Variants in CROCC observed in about 807,000 individuals in gnomAD.
CROCC encodes the protein ciliary rootlet coiled-coil, rootletin, also known as rootletin.
CROCC carries 180 observed loss-of-function variants against 245.2 expected under a neutral mutation model. The observed-to-expected ratio is 0.73, with a 90% CI of 0.65 to 0.83. CROCC has a LOEUF of 0.83. CROCC is among the 40% of genes least tolerant of loss of function. CROCC has a pLI of 0.00. For synonymous variants in CROCC, 1,205 were observed against 1,241.6 expected (o/e 0.97, Z 0.62); for missense variants, 2,688 against 2,779.4 (o/e 0.97, Z 0.74).
At position 16,971,503 on chromosome 1, in the gene CROCC, C is replaced by T. The variant is rs1557649366; in HGVS notation, c.5823C>T (p.Ala1941=). The T allele has an allele frequency of 2.6e-6, 4 of 1,537,092 alleles. No homozygotes were observed. The highest frequency in any genetic ancestry group is 3.5e-6 in the Non-Finnish European group (4 of 1,146,428). Reference sequence around the variant, plus strand: ...TGCTGGAGCAGAGCCACAGCCCGGCCCAGCTGGAGGTGGATGCGCAGCAGC... The same window carrying T: ...TGCTGGAGCAGAGCCACAGCCCGGCTCAGCTGGAGGTGGATGCGCAGCAGC... ...VVVLEQSHSP[A]QLEVDAQQQQ... is the part of the protein sequence containing the mutation. Residue 1941 remains alanine (A), a synonymous_variant, in exon 36 of 37, where the codon GCC becomes GCT. Transcript: ENST00000375541.
intron 8 of CROCC, among the ~76,000 whole-genome samples, chr1:16,935,576 T>A (rs138913934): frequency 0.043 from 6,476 of 150,692 alleles, 2 homozygotes; most frequent in Non-Finnish European, 0.054. Flanking sequence ...GCCTGCCACC[T>A]CACCCGGCTA....
intron 9 of CROCC, among the ~76,000 whole-genome samples, chr1:16,937,091 ACACCT>A (rs2075808098): frequency 6.6e-6 from 1 of 152,396 alleles, no homozygotes; most frequent in East Asian, 1.9e-4. Flanking sequence ...GTGGTGGCTC[ACACCT>A]GTAATCCCAG....
chr1:16,917,209 T>C (rs2075316761), upstream of CROCC, among the ~76,000 whole-genome samples: 1 of 152,300 alleles, frequency 6.6e-6, no homozygotes, highest in Admixed American at 6.5e-5. Flanking sequence ...CTGGGTGCAT[T>C]GGAGCCAATT....
At chr1:16,963,639 C>T (rs1221646058) in intron 27 of CROCC, among the ~76,000 whole-genome samples, 2 of 152,110 alleles carry the variant, frequency 1.3e-5, no homozygotes, top group Non-Finnish European at 2.9e-5. Context: ...CCTGCAGTTC[C>T]AGTGCCAGCC....
At chr1:16,958,339 T>C (rs1326340547) in intron 25 of CROCC, among the ~76,000 whole-genome samples, 1 of 152,204 alleles carries the variant, frequency 6.6e-6, no homozygotes, top group East Asian at 1.9e-4. Context: ...CCTCCTTCTA[T>C]TATACCCACC....
intron 2 of CROCC, among the ~76,000 whole-genome samples, chr1:16,923,861 A>G (rs1330557718): frequency 7.9e-5 from 12 of 152,188 alleles, no homozygotes; most frequent in Non-Finnish European, 1.8e-4. Context: ...TTGTATTTTT[A>G]GTAGAGACAG....
intron 14 of CROCC, 105 bp downstream of exon 14, chr1:16,944,387 T>G (rs1186926136): frequency 4.1e-5 from 52 of 1,281,626 alleles, no homozygotes; most frequent in Non-Finnish European, 5.1e-5. Flanking sequence ...CTGGGCCTCC[T>G]ACCGTCTGGA....
chr1:16,930,723 G>GC (rs2075656710), intron 7 of CROCC, 129 bp downstream of exon 7: 1 of 909,186 alleles, frequency 1.1e-6, no homozygotes, highest in Non-Finnish European at 1.6e-6. Context: ...GAAGTAAATA[G>GC]CCGTCATCAC....
Position 16,959,423 on chromosome 1 carries a change from A to C in CROCC, c.4032+673A>C, listed in dbSNP as rs1047633217. On this transcript the variant is annotated intron_variant, in intron 26 of 36. Transcript: ENST00000375541. ...TGTCTGACTCCAAAGCCCACAGGCTACCCGCTCTGCCTTTTCCGGCTGTTT... is the reference window on the plus strand; with the variant it reads ...TGTCTGACTCCAAAGCCCACAGGCTCCCCGCTCTGCCTTTTCCGGCTGTTT... Among the ~76,000 whole-genome samples, 64 of 152,188 alleles carry C rather than the reference A, an allele frequency of 4.2e-4. 1 individual carries two copies. Among genetic ancestry groups the C allele is most frequent in the Non-Finnish European group, 8.5e-4 (58 of 68,030 alleles).
In CROCC at chr1:16,968,243, A is replaced by T. The variant is rs980314470; in HGVS notation, c.4901A>T (p.Glu1634Val). 6.4e-7 allele frequency: 1 copy of T among 1,568,540 alleles called. No homozygotes were observed. The highest frequency in any genetic ancestry group is 8.6e-7 in the Non-Finnish European group (1 of 1,158,206). Residue 1634 changes from glutamate to valine, a missense_variant, in exon 31 of 37, where the codon GAG (glutamate) becomes GTG (valine). Glu to Val is a moderately radical substitution (Grantham distance 121, BLOSUM62 -2). Transcript: ENST00000375541. ...ATGAAGGCCAATGAGACAAAGCTGG[A>T]GGGCGACAAGCGGCGCCTGAAGGAG... ...SKMKANETKL[E>V]GDKRRLKEVL...
chr1:16,956,592 G>A (rs544529138), intron 25 of CROCC, among the ~76,000 whole-genome samples: 1 of 152,260 alleles, frequency 6.6e-6, no homozygotes, highest in South Asian at 2.1e-4. Context: ...GTCCCAAACA[G>A]TGCATGAACA....
intron 1 of CROCC, among the ~76,000 whole-genome samples, chr1:16,916,540 T>A (rs12133980): frequency 0.017 from 2,638 of 152,298 alleles, 31 homozygotes; most frequent in Non-Finnish European, 0.028. Flanking sequence ...AGGGTCTTGC[T>A]CTGTCACCCA....
At chr1:16,935,353 C>T (rs1557593111) in intron 8 of CROCC, among the ~76,000 whole-genome samples, 1 of 152,262 alleles carries the variant, frequency 6.6e-6, no homozygotes, top group Admixed American at 6.5e-5. Flanking sequence ...GCTTCCCTAA[C>T]CTACTAGTTA....
chr1:16,953,334 G>A lies in CROCC; in HGVS notation c.3039G>A (p.Arg1013=), dbSNP rs1315604067. ...CATGGCGGGAGCTGGAGGCCGAGCGGGCCCAGCTGCAGAGTCAGCTGCAGC... is the reference window on the plus strand; with the variant it reads ...CATGGCGGGAGCTGGAGGCCGAGCGAGCCCAGCTGCAGAGTCAGCTGCAGC... ...EAAWRELEAE[R]AQLQSQLQRE... The change falls in exon 21 of 37, where the codon CGG becomes CGA. Residue 1013 remains arginine (R), a synonymous_variant. Coordinates refer to ENST00000375541, the MANE Select transcript of CROCC (RefSeq NM_014675.5). The A allele has an allele frequency of 5.0e-6, 8 of 1,600,732 alleles. No individual in the cohort carries two copies. Among genetic ancestry groups the A allele is most frequent in the Non-Finnish European group, 6.8e-6 (8 of 1,175,540 alleles).
At chr1:16,940,199 T>C in intron 13 of CROCC, 106 bp downstream of exon 13, 1 of 1,164,304 alleles carries the variant, frequency 8.6e-7, no homozygotes, top group East Asian at 2.6e-5. Flanking sequence ...TGGTCGCCAC[T>C]AGCTGCATGT....
In CROCC at chr1:16,922,799, G is replaced by C. The variant is rs766102968; in HGVS notation, c.196+1G>C. 4 of 1,611,418 alleles carry C rather than the reference G, an allele frequency of 2.5e-6. No homozygotes were observed. Among genetic ancestry groups the C allele is most frequent in the Non-Finnish European group, 3.4e-6 (4 of 1,179,222 alleles). ...AACCTCTCCCAGCCTGAGAGCCCAG[G>C]TGCCACCCCCATCCGCTCCCCTCCA... On this transcript the variant is annotated splice_donor_variant, in intron 2 of 36. Transcript: ENST00000375541. LOFTEE classifies it high-confidence loss of function.
At chr1:16,918,478 T>C (rs1285486330), upstream of CROCC, among the ~76,000 whole-genome samples, 26 of 152,192 alleles carry the variant, frequency 1.7e-4, no homozygotes, top group Admixed American at 1.3e-4. Context: ...GTCCCCTTCC[T>C]CCAACCCTTA....
rs778187194 is a variant in CROCC at position 16,969,253 on chromosome 1, C to T, written c.5214C>T (p.Ser1738=). The change falls in exon 32 of 37, where the codon AGC becomes AGT. Residue 1738 remains serine, a synonymous_variant. Transcript: ENST00000375541. ...VRGLTEALAQ[S]SASLNSTRDK... is the part of the protein sequence containing the mutation. ...GCCTGACAGAGGCCCTGGCCCAGAG[C>T]AGTGCCAGCCTCAACAGCACCCGGG... 7 of 1,613,260 alleles carry T rather than the reference C, an allele frequency of 4.3e-6. No homozygotes were observed. In the East Asian group the frequency reaches 1.1e-4, roughly 26 times the overall value.
At chr1:16,948,954 A>C (rs1373900791) in intron 19 of CROCC, 28 bp downstream of exon 19, 11 of 1,608,514 alleles carry the variant, frequency 6.8e-6, no homozygotes, top group Non-Finnish European at 9.3e-6. Context: ...CTTGGGGGGA[A>C]CACCAGGTTC....
Sources: gnomAD v4.1 joint callset for allele counts (sites outside exome capture counted in the v4.1 genomes callset) on GRCh38, gnomAD v4.1.1 for gene constraint, MANE v1.5 for transcripts, NCBI Gene and HGNC (gene_info 2026-07-23, HGNC 2026-07-21) for gene names.